The following ADARB2 variants were observed in gnomAD, a reference collection of about 807,000 sequenced individuals.
ADARB2 encodes inactive double-stranded RNA-specific editase B2.
Under a neutral mutation model 62.2 loss-of-function variants are expected in ADARB2, and 25 were observed. The ratio of observed to expected loss-of-function variants is 0.40; its 90% CI spans 0.29 to 0.56. The LOEUF (loss-of-function observed/expected upper bound fraction) is 0.56. Ranked by LOEUF, ADARB2 falls within the 20% of genes least tolerant of loss-of-function variation. The pLI is 0.43. For synonymous variants in ADARB2, 572 were observed against 500.8 expected (o/e 1.14, Z -1.90); for missense variants, 1,071 against 1,077.4 (o/e 0.99, Z 0.08).
chr10:1,268,100 G>A lies in ADARB2; in HGVS notation c.1192+2855C>T, dbSNP rs186528628. Among the ~76,000 whole-genome samples, 490 of 152,236 alleles carry A rather than the reference G, an allele frequency of 3.2e-3. 3 individuals are homozygous for A. The highest frequency in any genetic ancestry group is 0.011 in the African/African-American group (469 of 41,534). ...AAGAAATAAAGGTTTATCTATAATTGCACATTACAAACATAATAATGGAAA... is the reference window on the plus strand; with the variant it reads ...AAGAAATAAAGGTTTATCTATAATTACACATTACAAACATAATAATGGAAA... On this transcript the variant is annotated intron_variant, in intron 4 of 9. Coordinates refer to ENST00000381312, the MANE Select transcript of ADARB2 (RefSeq NM_018702.4).
chr10:1,377,330 G>A (rs372636567), intron 2 of ADARB2, among the ~76,000 whole-genome samples: 6 of 131,942 alleles, frequency 4.5e-5, no homozygotes, highest in Non-Finnish European at 8.0e-5. Flanking sequence ...GCACATGCCT[G>A]GTGTGTGCTC....
At chr10:1,676,151 A>G (rs1834464258) in intron 1 of ADARB2, 1 of 634,960 alleles carries the variant, frequency 1.6e-6, no homozygotes, top group Non-Finnish European at 2.0e-6. Flanking sequence ...AATGTGCAAT[A>G]TGAAATTAAG....
At chr10:1,307,506 G>A (rs1299947185) in intron 3 of ADARB2, among the ~76,000 whole-genome samples, 1 of 140,592 alleles carries the variant, frequency 7.1e-6, no homozygotes, top group Non-Finnish European at 1.5e-5. Flanking sequence ...TTCAACCATT[G>A]TGGAAGTCAG....
intron 1 of ADARB2, among the ~76,000 whole-genome samples, chr10:1,387,901 C>G (rs1300928346): frequency 6.6e-6 from 1 of 151,968 alleles, no homozygotes; most frequent in South Asian, 2.1e-4. Context: ...GTATCATGAA[C>G]CAGTGTGGTT....
intron 1 of ADARB2, among the ~76,000 whole-genome samples, chr10:1,493,958 G>A (rs748636085): frequency 1.3e-5 from 2 of 151,690 alleles, no homozygotes; most frequent in African/African-American, 4.8e-5. Context: ...GTTTCTCCAT[G>A]TTGTCCAGGC....
chr10:1,696,200 C>T (rs1193388223), intron 1 of ADARB2, among the ~76,000 whole-genome samples: 6 of 151,814 alleles, frequency 4.0e-5, no homozygotes, highest in Non-Finnish European at 8.8e-5. Context: ...ATATGTGTCA[C>T]GTTTATATGC....
chr10:1,464,221 T>C (rs11250539), intron 1 of ADARB2, among the ~76,000 whole-genome samples: 1 of 75,068 alleles, frequency 1.3e-5, no homozygotes, highest in East Asian at 4.5e-4. Context: ...ACACACGCGC[T>C]GGGGACAGTC....
At chr10:1,629,320 G>A (rs1833813826) in intron 1 of ADARB2, among the ~76,000 whole-genome samples, 1 of 152,070 alleles carries the variant, frequency 6.6e-6, no homozygotes. Context: ...AGACAAGTGT[G>A]GGTTTACTCC....
chr10:1,633,549 C>CATCTATCTATCTAACT (rs1833868657), intron 1 of ADARB2, among the ~76,000 whole-genome samples: 1 of 101,610 alleles, frequency 9.8e-6, no homozygotes, highest in African/African-American at 3.2e-5. Flanking sequence ...GTCTATCTAT[C>CATCTATCTATCTAACT]ATCTATCTAT....
intron 1 of ADARB2, among the ~76,000 whole-genome samples, chr10:1,569,246 G>A (rs189475861): frequency 5.6e-4 from 85 of 152,076 alleles, no homozygotes; most frequent in African/African-American, 1.7e-3. Flanking sequence ...AGGTGGTGGC[G>A]GGGGAGAGAC....
intron 1 of ADARB2, among the ~76,000 whole-genome samples, chr10:1,486,586 C>G (rs544212659): frequency 2.0e-5 from 3 of 152,162 alleles, no homozygotes; most frequent in Non-Finnish European, 4.4e-5. Flanking sequence ...CAAATATATT[C>G]TACTGTGTCT....
intron 5 of ADARB2, among the ~76,000 whole-genome samples, chr10:1,235,000 GC>G (rs1830851225): frequency 6.6e-6 from 1 of 152,078 alleles, no homozygotes; most frequent in East Asian, 1.9e-4. Flanking sequence ...ACCCGCCTTG[GC>G]CCCCCAAAGA....
At chr10:1,464,376 G>A (rs1299600858) in intron 1 of ADARB2, among the ~76,000 whole-genome samples, 101 of 143,120 alleles carry the variant, frequency 7.1e-4, no homozygotes, top group African/African-American at 1.7e-3. Context: ...AGCGGGCAGC[G>A]TGCTGGAGAA....
intron 2 of ADARB2, among the ~76,000 whole-genome samples, chr10:1,370,726 T>C (rs550019767): frequency 1.3e-5 from 2 of 152,182 alleles, no homozygotes; most frequent in South Asian, 4.1e-4. Flanking sequence ...CAAAATAAAA[T>C]ACCTAGGAAT....
intron 3 of ADARB2, among the ~76,000 whole-genome samples, chr10:1,286,523 T>C (rs1831415771): frequency 1.3e-5 from 2 of 152,240 alleles, no homozygotes; most frequent in South Asian, 4.1e-4. Flanking sequence ...GATGGCAAAT[T>C]TGAGTGAAGG....
intron 2 of ADARB2, among the ~76,000 whole-genome samples, chr10:1,377,183 G>C (rs1330119867): frequency 8.1e-6 from 1 of 123,934 alleles, no homozygotes; most frequent in Non-Finnish European, 1.7e-5. Context: ...TGCGCCTCTG[G>C]GGTGTGTGCT....
At chr10:1,451,346 C>T (rs373871742) in intron 1 of ADARB2, among the ~76,000 whole-genome samples, 8 of 152,344 alleles carry the variant, frequency 5.3e-5, no homozygotes, top group African/African-American at 1.9e-4. Flanking sequence ...GAGTGTGCAC[C>T]TCACTCAGCC....
At chr10:1,310,468 GAA>G in intron 3 of ADARB2, among the ~76,000 whole-genome samples, 1 of 151,246 alleles carries the variant, frequency 6.6e-6, no homozygotes, top group South Asian at 2.1e-4. Context: ...AACAGAGGAA[GAA>G]GAGATAAGAA....
intron 1 of ADARB2, among the ~76,000 whole-genome samples, chr10:1,430,811 G>T (rs892685305): frequency 7.2e-5 from 11 of 152,124 alleles, no homozygotes; most frequent in Admixed American, 5.2e-4. Flanking sequence ...ATCACTGAAG[G>T]CCAAGAGGGA....
Sources: gnomAD v4.1 joint callset for allele counts (sites outside exome capture counted in the v4.1 genomes callset) on GRCh38, gnomAD v4.1.1 for gene constraint, MANE v1.5 for transcripts, NCBI Gene and HGNC (gene_info 2026-07-23, HGNC 2026-07-21) for gene names.